The following PLPPR5 variants were observed in gnomAD, a reference collection of about 807,000 sequenced individuals.
PLPPR5 encodes the protein phospholipid phosphatase-related protein type 5.
A neutral mutation model predicts 33.9 loss-of-function variants in PLPPR5; 16 were observed. That is an observed-to-expected ratio of 0.47 (90% CI 0.32 to 0.72). The LOEUF is 0.72. Among genes scored for constraint, PLPPR5 ranks in the 30% least tolerant of loss-of-function variants. PLPPR5 has a pLI of 0.03. For synonymous variants in PLPPR5, 163 were observed against 150.3 expected, an observed-to-expected ratio of 1.08 and a Z score of -0.62; for missense variants, 301 against 406.7, an observed-to-expected ratio of 0.74 and a Z score of 2.23.
intron 5 of PLPPR5, among the ~76,000 whole-genome samples, chr1:98,904,713 G>A (rs956318503): frequency 1.3e-5 from 2 of 152,168 alleles, no homozygotes; most frequent in African/African-American, 4.8e-5. Context: ...GTGCTTTGCT[G>A]TTGGGGTGAC....
intron 1 of PLPPR5, among the ~76,000 whole-genome samples, chr1:98,996,213 G>T (rs116697934): frequency 0.013 from 1,917 of 151,712 alleles, 20 homozygotes; most frequent in Non-Finnish European, 0.022. Context: ...GAGGTGAGAA[G>T]AAAGGAACAT....
chr1:98,979,104 C>T (rs2100750508), intron 1 of PLPPR5, among the ~76,000 whole-genome samples: 1 of 152,152 alleles, frequency 6.6e-6, no homozygotes, highest in African/African-American at 2.4e-5. Flanking sequence ...CCTCCCAGGT[C>T]CCAGGCATTC....
chr1:98,981,769 T>A (rs549422581), intron 1 of PLPPR5, among the ~76,000 whole-genome samples: 1 of 152,092 alleles, frequency 6.6e-6, no homozygotes, highest in Non-Finnish European at 1.5e-5. Flanking sequence ...CCATTTCATT[T>A]TGAACCCATA....
chr1:98,946,425 T>A (rs1183418524), intron 3 of PLPPR5, among the ~76,000 whole-genome samples: 11 of 152,190 alleles, frequency 7.2e-5, no homozygotes, highest in Admixed American at 6.5e-4. Context: ...GTCTTCCTGA[T>A]TTATTCACCC....
At chr1:98,947,650 A>G (rs780032418) in intron 3 of PLPPR5, among the ~76,000 whole-genome samples, 9 of 151,988 alleles carry the variant, frequency 5.9e-5, no homozygotes, top group Non-Finnish European at 1.2e-4. Context: ...GGAAAGGGAG[A>G]CAGGGTTAAT....
At chr1:98,973,026 T>A (rs998326383) in intron 1 of PLPPR5, among the ~76,000 whole-genome samples, 2 of 152,126 alleles carry the variant, frequency 1.3e-5, no homozygotes, top group African/African-American at 4.8e-5. Flanking sequence ...AGACACATAC[T>A]GTAGCAGAGT....
chr1:98,932,362 G>A (rs535780985), intron 3 of PLPPR5, among the ~76,000 whole-genome samples: 1 of 152,114 alleles, frequency 6.6e-6, no homozygotes. Context: ...CTAGGCCTCC[G>A]TGGAGACAGG....
chr1:98,954,143 A>G (rs1650915467), intron 2 of PLPPR5, among the ~76,000 whole-genome samples: 1 of 152,190 alleles, frequency 6.6e-6, no homozygotes, highest in African/African-American at 2.4e-5. Context: ...TTACTTGAAT[A>G]CCAAAAACAT....
At chr1:98,918,704 T>C (rs1425051965) in intron 4 of PLPPR5, among the ~76,000 whole-genome samples, 1 of 152,134 alleles carries the variant, frequency 6.6e-6, no homozygotes, top group Non-Finnish European at 1.5e-5. Flanking sequence ...AAATCTCAAA[T>C]GTGTAAAGGG....
chr1:98,994,893 T>C (rs891800534), intron 1 of PLPPR5, among the ~76,000 whole-genome samples: 2 of 151,842 alleles, frequency 1.3e-5, no homozygotes, highest in Admixed American at 6.6e-5. Flanking sequence ...CAGCCAACAA[T>C]ATGAAAAAAA....
chr1:98,917,381 A>C (rs541867103), intron 4 of PLPPR5, among the ~76,000 whole-genome samples: 4 of 152,250 alleles, frequency 2.6e-5, no homozygotes, highest in East Asian at 3.9e-4. Flanking sequence ...TTTCTAAACT[A>C]TCTCTCTAAA....
intron 5 of PLPPR5, among the ~76,000 whole-genome samples, chr1:98,906,066 G>T (rs1350336532): frequency 6.6e-6 from 1 of 151,416 alleles, no homozygotes; most frequent in Non-Finnish European, 1.5e-5. Flanking sequence ...GGTTGTGTTA[G>T]TTTTCACTAG....
intron 3 of PLPPR5, among the ~76,000 whole-genome samples, chr1:98,950,345 A>C (rs1161445506): frequency 6.6e-6 from 1 of 152,242 alleles, no homozygotes; most frequent in East Asian, 1.9e-4. Context: ...AAGTTAGTAA[A>C]AGTGAAGCAA....
intron 5 of PLPPR5, among the ~76,000 whole-genome samples, chr1:98,899,911 T>C (rs59612026): frequency 6.6e-6 from 1 of 152,126 alleles, no homozygotes; most frequent in Non-Finnish European, 1.5e-5. Flanking sequence ...GTGTTTATGG[T>C]ATTTGGTGGA....
chr1:98,895,892 G>A (rs1312285276), intron 5 of PLPPR5, among the ~76,000 whole-genome samples: 1 of 151,904 alleles, frequency 6.6e-6, no homozygotes, highest in Non-Finnish European at 1.5e-5. Context: ...AAAATTAAGG[G>A]GAAATTTAAT....
At position 98,926,882 on chromosome 1, in the gene PLPPR5, G is replaced by A. The variant is rs915169893; in HGVS notation, c.622-4824C>T. Among the ~76,000 whole-genome samples, 9 of 152,192 alleles carry A rather than the reference G, an allele frequency of 5.9e-5. No homozygotes were observed. The East Asian group carries it at 1.2e-3, about 20-fold the overall frequency. On this transcript the variant is annotated intron_variant, in intron 3 of 5. Transcript: ENST00000263177. Reference sequence around the variant, plus strand: ...GGGGCATTCGTTTGTTAAGCCAACCGTGTAATGTCCTGAAAGTTTTATTTA... The same window carrying A: ...GGGGCATTCGTTTGTTAAGCCAACCATGTAATGTCCTGAAAGTTTTATTTA...
chr1:98,989,210 A>G (rs1318591772), intron 1 of PLPPR5, among the ~76,000 whole-genome samples: 2 of 152,152 alleles, frequency 1.3e-5, no homozygotes, highest in Non-Finnish European at 2.9e-5. Flanking sequence ...TCATATGCTC[A>G]TTCTTTGATC....
intron 5 of PLPPR5, among the ~76,000 whole-genome samples, chr1:98,909,238 T>TCCCTTC (rs1649026354): frequency 9.1e-6 from 1 of 110,072 alleles, no homozygotes; most frequent in African/African-American, 3.6e-5. Flanking sequence ...CCCTTCCCTT[T>TCCCTTC]CCCTCCCTTC....
intron 1 of PLPPR5, among the ~76,000 whole-genome samples, chr1:98,977,234 C>T (rs1050687924): frequency 6.6e-6 from 1 of 151,912 alleles, no homozygotes; most frequent in African/African-American, 2.4e-5. Flanking sequence ...CTAGTGTATT[C>T]GATGGGCATT....
Sources: gnomAD v4.1 joint callset for allele counts (sites outside exome capture counted in the v4.1 genomes callset) on GRCh38, gnomAD v4.1.1 for gene constraint, MANE v1.5 for transcripts, NCBI Gene and HGNC (gene_info 2026-07-23, HGNC 2026-07-21) for gene names.